IGFBP3: variants seen among roughly 807,000 people sequenced by gnomAD.
IGFBP3 encodes the protein insulin like growth factor binding protein 3.
IGFBP3 carries 9 observed loss-of-function variants against 28.6 expected under a neutral mutation model. That is an observed-to-expected ratio of 0.31 (90% CI 0.19 to 0.55). The LOEUF (loss-of-function observed/expected upper bound fraction) is 0.55. Ranked by LOEUF, IGFBP3 falls within the 20% of genes least tolerant of loss-of-function variation. IGFBP3 has a pLI of 0.93. For synonymous variants in IGFBP3, 185 were observed against 188.2 expected (o/e 0.98, Z 0.14); for missense variants, 382 against 428.9 (o/e 0.89, Z 0.97).
Position 45,920,847 on chromosome 7 carries a change from G to C in IGFBP3, c.294C>G (p.Pro98=), listed in dbSNP as rs1784676802. The C allele has an allele frequency of 6.4e-6, 9 of 1,412,426 alleles. No individual in the cohort carries two copies. The highest frequency in any genetic ancestry group is 8.2e-6 in the Non-Finnish European group (9 of 1,091,326). The allele number at this position is 1,412,426 out of a possible 1,614,324, so 87.5% of individuals were successfully genotyped here. ...GCGCCTGCAGCGGTCGCGCCTCGTC[G>C]GGCGACGGCTGGCAGCGAAGGCCGG... ...CGSGLRCQPS[P]DEARPLQALL... is the part of the protein sequence containing the mutation. Residue 98 remains proline, a synonymous_variant, in exon 1 of 5, where the codon CCC becomes CCG. Coordinates refer to ENST00000613132, the MANE Select transcript of IGFBP3 (RefSeq NM_000598.5).
rs1163359185 is a variant in IGFBP3, at chr7:45,921,056, C to T, written c.85G>A (p.Ala29Thr). Residue 29 changes from alanine to threonine, a missense_variant, in exon 1 of 5, where the codon GCG (alanine) becomes ACG (threonine). Coordinates refer to ENST00000613132, the MANE Select transcript of IGFBP3 (RefSeq NM_000598.5). ...ACGGGACCCAAGCCCGCCGAGCTCG[C>T]GCCAGCCCGCGCCACCGGCGGCCCG... is the stretch of plus-strand genomic sequence containing the variant. ...LRGPPVARAG[A>T]SSAGLGPVVR... is the part of the protein sequence containing the mutation. The T allele has an allele frequency of 6.9e-6, 10 of 1,447,394 alleles. No individual in the cohort carries two copies. Among genetic ancestry groups the T allele is most frequent in the Non-Finnish European group, 9.0e-6 (10 of 1,107,844 alleles). The allele number at this position is 1,447,394 out of a possible 1,614,324, so 89.7% of individuals were successfully genotyped here.
Position 45,921,170 on chromosome 7 carries a change from C to A in IGFBP3, c.-30G>T. ...CCTGCAACCGGGGCACGCTGCTTGG[C>A]AGGCTGGGCGCGCAGGGATGGGGCG... On this transcript the variant is annotated 5_prime_UTR_variant, in exon 1 of 5. Transcript: ENST00000613132. 1.3e-6 allele frequency: 2 copies of A among 1,503,190 alleles called. No individual in the cohort carries two copies. Among genetic ancestry groups the A allele is most frequent in the Non-Finnish European group, 1.8e-6 (2 of 1,130,508 alleles). 93.1% of individuals were successfully genotyped at this position (1,503,190 alleles called of 1,614,324 possible).
intron 1 of IGFBP3, 46 bp downstream of exon 1, chr7:45,920,692 A>G: frequency 7.5e-7 from 1 of 1,325,618 alleles, no homozygotes; most frequent in African/African-American, 1.5e-5. Flanking sequence ...CTTCGGCGCC[A>G]GTGCGCCGGG....
intron 3 of IGFBP3, 182 bp from the exon 4 acceptor site, chr7:45,915,127 A>T: frequency 5.0e-6 from 3 of 605,224 alleles, no homozygotes; most frequent in East Asian, 3.2e-5. Flanking sequence ...GCGCCTGTGC[A>T]TGCGTGTGGG....
chr7:45,916,020 C>G (rs1484103687), intron 3 of IGFBP3, among the ~76,000 whole-genome samples: 1 of 152,206 alleles, frequency 6.6e-6, no homozygotes, highest in African/African-American at 2.4e-5. Flanking sequence ...CAGAGACACA[C>G]GAGTCACCAA....
chr7:45,920,727 G>GGGCGGCTCACCTGGAGCT lies in IGFBP3; in HGVS notation c.396_403+10dup. ...GTGCTGCACGCAGCGCACCTGGCGC[G>GGGCGGCTCACCTGGAGCT]GGCGGCTCACCTGGAGCTGGCGGCG... On this transcript the variant is annotated intron_variant, in intron 1 of 4. Coordinates refer to ENST00000613132, the MANE Select transcript of IGFBP3 (RefSeq NM_000598.5). The GGGCGGCTCACCTGGAGCT allele has an allele frequency of 7.2e-7, 1 of 1,393,190 alleles. No homozygotes were observed. Among genetic ancestry groups the GGGCGGCTCACCTGGAGCT allele is most frequent in the Non-Finnish European group, 9.2e-7 (1 of 1,082,698 alleles). The allele number at this position is 1,393,190 out of a possible 1,614,324, so 86.3% of individuals were successfully genotyped here.
At chr7:45,918,478 T>C (rs147131192) in intron 1 of IGFBP3, among the ~76,000 whole-genome samples, 1,894 of 152,300 alleles carry the variant, frequency 0.012, 46 homozygotes, top group African/African-American at 0.043. Context: ...AGAATGAACT[T>C]GGAGGGGCTG....
chr7:45,914,650 G>A (rs959007835), intron 4 of IGFBP3, 155 bp downstream of exon 4: 2 of 655,402 alleles, frequency 3.1e-6, no homozygotes, highest in Admixed American at 3.0e-5. Context: ...ACCCTTCTGA[G>A]GGCTCTGTCC....
chr7:45,921,154 G>T lies in IGFBP3; in HGVS notation c.-14C>A. ...CGCCCGCTGCATGACGCCTGCAACCGGGGCACGCTGCTTGGCAGGCTGGGC... is the reference window on the plus strand; with the variant it reads ...CGCCCGCTGCATGACGCCTGCAACCTGGGCACGCTGCTTGGCAGGCTGGGC... On this transcript the variant is annotated 5_prime_UTR_variant, in exon 1 of 5. Transcript: ENST00000613132. 6.7e-7 allele frequency: 1 copy of T among 1,502,554 alleles called. No homozygotes were observed. The highest frequency in any genetic ancestry group is 8.8e-7 in the Non-Finnish European group (1 of 1,130,766). 93.1% of individuals were successfully genotyped at this position (1,502,554 alleles called of 1,614,324 possible).
At position 45,912,891 on chromosome 7, in the gene IGFBP3, T is replaced by C. The variant is rs937539992; in HGVS notation, c.*959A>G. ...CTCCTTCCTGTTCTGATATTACTAT[T>C]CTTTTTTACATTGTGCTAAGGAGGA... On this transcript the variant is annotated 3_prime_UTR_variant, in exon 5 of 5. Transcript: ENST00000613132. 6.6e-6 allele frequency: 1 copy of C among 152,464 alleles called. No individual in the cohort carries two copies. Among genetic ancestry groups the C allele is most frequent in the Non-Finnish European group, 1.5e-5 (1 of 68,042 alleles). 9.4% of individuals were successfully genotyped at this position (152,464 alleles called of 1,614,324 possible). A position where few individuals can be genotyped will look rare whatever the true frequency, so the allele number is the denominator to read the frequency against.
intron 3 of IGFBP3, among the ~76,000 whole-genome samples, chr7:45,916,229 T>C (rs1022379445): frequency 6.6e-6 from 1 of 152,228 alleles, no homozygotes; most frequent in East Asian, 1.9e-4. Context: ...TGTGTTAACA[T>C]GTCCACTTGC....
intron 1 of IGFBP3, 60 bp downstream of exon 1, chr7:45,920,677 AG>A (rs1163147282): frequency 7.6e-7 from 1 of 1,307,776 alleles, no homozygotes; most frequent in African/African-American, 1.6e-5. Flanking sequence ...AGCAACCCCC[AG>A]GCCCTTCGGC....
chr7:45,918,854 G>A (rs1163447839), intron 1 of IGFBP3, among the ~76,000 whole-genome samples: 3 of 152,148 alleles, frequency 2.0e-5, no homozygotes, highest in African/African-American at 7.2e-5. Flanking sequence ...GTTCCCCAAG[G>A]GGTTTCATAC....
In IGFBP3 at chr7:45,912,351, AT is replaced by A. The variant is rs1476436750; in HGVS notation, c.*1498del. The A allele has an allele frequency of 1.3e-5, 2 of 151,948 alleles. No individual in the cohort carries two copies. Among genetic ancestry groups the A allele is most frequent in the African/African-American group, 2.4e-5 (1 of 41,426 alleles). The allele number at this position is 151,948 out of a possible 1,614,324, so 9.4% of individuals were successfully genotyped here. On this transcript the variant is annotated 3_prime_UTR_variant, in exon 5 of 5. Coordinates refer to ENST00000613132, the MANE Select transcript of IGFBP3 (RefSeq NM_000598.5). ...GATGGTCAATAACAAAGGGAAAGAT[AT>A]TTTTTTAATGGTAAAAACTTTATTT... is the stretch of plus-strand genomic sequence containing the variant.
chr7:45,912,485 C>T lies in IGFBP3; in HGVS notation c.*1365G>A, dbSNP rs1473908162. 6.6e-6 allele frequency: 1 copy of T among 152,168 alleles called. No individual in the cohort carries two copies. The highest frequency in any genetic ancestry group is 6.5e-5 in the Admixed American group (1 of 15,272). 9.4% of individuals were successfully genotyped at this position (152,168 alleles called of 1,614,324 possible). On this transcript the variant is annotated 3_prime_UTR_variant, in exon 5 of 5. Coordinates refer to ENST00000613132, the MANE Select transcript of IGFBP3 (RefSeq NM_000598.5). The stretch of plus-strand genomic sequence containing the variant: ...AGGTAGGCAGAATGTCTTGAGACCC[C>T]TCTGTTTTCAAGGAGAGCTCTATGC...
In IGFBP3 at chr7:45,913,444, C is replaced by T. The variant is rs555190966; in HGVS notation, c.*406G>A. The T allele has an allele frequency of 6.6e-6, 1 of 152,326 alleles. No individual in the cohort carries two copies. The highest frequency in any genetic ancestry group is 2.4e-5 in the African/African-American group (1 of 41,546). 9.4% of individuals were successfully genotyped at this position (152,326 alleles called of 1,614,324 possible). On this transcript the variant is annotated 3_prime_UTR_variant, in exon 5 of 5. Coordinates refer to ENST00000613132, the MANE Select transcript of IGFBP3 (RefSeq NM_000598.5). ...TCCTATTCTCGATAAAGCCTGTGCG[C>T]ACTGTACGGGGAGTGGGGGTGAAGC...
intron 3 of IGFBP3, among the ~76,000 whole-genome samples, chr7:45,916,265 G>A (rs546360438): frequency 2.6e-5 from 4 of 152,348 alleles, no homozygotes; most frequent in African/African-American, 7.2e-5. Flanking sequence ...CCACTGGGCA[G>A]CATCTTGTCC....
rs1160285953 is a variant in IGFBP3 at position 45,912,473 on chromosome 7, G to A, written c.*1377C>T. On this transcript the variant is annotated 3_prime_UTR_variant, in exon 5 of 5. Transcript: ENST00000613132. ...AGAAAAGCTAATAGGTAGGCAGAAT[G>A]TCTTGAGACCCCTCTGTTTTCAAGG... The A allele has an allele frequency of 1.3e-5, 2 of 152,198 alleles. No individual in the cohort carries two copies. Among genetic ancestry groups the A allele is most frequent in the African/African-American group, 4.8e-5 (2 of 41,454 alleles). 9.4% of individuals were successfully genotyped at this position (152,198 alleles called of 1,614,324 possible). A position where few individuals can be genotyped will look rare whatever the true frequency, so the allele number is the denominator to read the frequency against.
rs572499292 is a variant in IGFBP3 at position 45,917,038 on chromosome 7, G to C, written c.630+175C>G. 2.0e-5 allele frequency: 12 copies of C among 612,758 alleles called. No homozygotes were observed. The East Asian group carries it at 2.4e-4, about 12-fold the overall frequency. The allele number at this position is 612,758 out of a possible 1,614,324, so 38.0% of individuals were successfully genotyped here. On this transcript the variant is annotated intron_variant, in intron 2 of 4. Coordinates refer to ENST00000613132, the MANE Select transcript of IGFBP3 (RefSeq NM_000598.5). Reference sequence around the variant, plus strand: ...TGATCCTCATAAGATTCTCCAAAAGGGTCAATATTCTTTATGTAAGGAGAG... The same window carrying C: ...TGATCCTCATAAGATTCTCCAAAAGCGTCAATATTCTTTATGTAAGGAGAG...
Sources: allele counts gnomAD v4.1 joint callset (sites outside exome capture counted in the v4.1 genomes callset), GRCh38; gene constraint gnomAD v4.1.1; transcripts MANE v1.5; gene names NCBI Gene and HGNC (gene_info 2026-07-23, HGNC 2026-07-21).